Variants in KLHDC8B observed in about 807,000 individuals in gnomAD.
KLHDC8B encodes the protein kelch domain containing 8B.
Under a neutral mutation model 26.3 loss-of-function variants are expected in KLHDC8B, and 19 were observed. The ratio of observed to expected loss-of-function variants is 0.72; its 90% CI spans 0.50 to 1.06. KLHDC8B has a LOEUF of 1.06. Among genes scored for constraint, KLHDC8B ranks in the 50% least tolerant of loss-of-function variants. The probability of loss-of-function intolerance (pLI) is 0.00; values close to 1 mark genes in which losing one functional copy is unlikely to be tolerated. For missense variants in KLHDC8B, 411 were observed against 488.1 expected, an observed-to-expected ratio of 0.84 and a Z score of 1.49; for synonymous variants, 150 against 188.4, an observed-to-expected ratio of 0.80 and a Z score of 1.67.
intron 2 of KLHDC8B, among the ~76,000 whole-genome samples, chr3:49,174,031 C>T (rs1306478344): frequency 6.6e-6 from 1 of 152,102 alleles, no homozygotes; most frequent in Non-Finnish European, 1.5e-5. Flanking sequence ...CGGCTGCCTC[C>T]TGCTCTTTAC....
chr3:49,174,097 C>T (rs1046764511), intron 2 of KLHDC8B, 142 bp from the exon 3 acceptor site: 1 of 545,366 alleles, frequency 1.8e-6, no homozygotes, highest in Non-Finnish European at 3.2e-6. Flanking sequence ...CCACTGCAGG[C>T]AGGTAGTAGA....
chr3:49,174,656 T>C, intron 3 of KLHDC8B, 86 bp from the exon 4 acceptor site: 2 of 1,497,808 alleles, frequency 1.3e-6, no homozygotes, highest in Non-Finnish European at 1.8e-6. Context: ...TGTGGGAGGC[T>C]GAGGCAGGCA....
rs775044801 is a variant in KLHDC8B at position 49,172,933 on chromosome 3, C to G, written c.164C>G (p.Ala55Gly). The stretch of plus-strand genomic sequence containing the variant: ...GACACTGCTGAGACACTGGACATGG[C>G]CTCGCACACATGGCTGGCACTGGCA... Reference protein sequence around the residue: ...PLDTAETLDMASHTWLALAPL... With the variant: ...PLDTAETLDMGSHTWLALAPL... Residue 55 changes from alanine (A) to glycine (G), a missense_variant, in exon 2 of 6, where the codon GCC becomes GGC. By Grantham distance (60) the Ala-to-Gly change is moderately conservative. Transcript: ENST00000332780. 1 of 1,613,958 alleles carries G rather than the reference C, an allele frequency of 6.2e-7. No individual in the cohort carries two copies. Among genetic ancestry groups the G allele is most frequent in the Admixed American group, 1.7e-5 (1 of 59,990 alleles).
rs753642301 is a variant in KLHDC8B at position 49,175,893 on chromosome 3, T to A, written c.*92T>A. ...TGCTGCTGAGGACACTCACTGTGGC[T>A]CTGTGGGATGAGAGAGGCATGGGGG... is the stretch of plus-strand genomic sequence containing the variant. On this transcript the variant is annotated 3_prime_UTR_variant, in exon 6 of 6. Transcript: ENST00000332780. 1.5e-6 allele frequency: 2 copies of A among 1,301,664 alleles called. No individual in the cohort carries two copies. Among genetic ancestry groups the A allele is most frequent in the Admixed American group, 3.7e-5 (2 of 53,514 alleles). The allele number at this position is 1,301,664 out of a possible 1,614,324, so 80.6% of individuals were successfully genotyped here.
chr3:49,174,986 G>A lies in KLHDC8B; in HGVS notation c.766+20G>A. 2.5e-6 allele frequency: 4 copies of A among 1,613,924 alleles called. No individual in the cohort carries two copies. Among genetic ancestry groups the A allele is most frequent in the Non-Finnish European group, 3.4e-6 (4 of 1,180,024 alleles). On this transcript the variant is annotated intron_variant, in intron 4 of 5. Transcript: ENST00000332780. ...AGCATGGTGAGCAGTGGCTGTTCTG[G>A]GCTGTCCTCCCGCTCTCTGTGGGAT...
At position 49,172,977 on chromosome 3, in the gene KLHDC8B, G is replaced by A; in HGVS notation, c.208G>A (p.Ala70Thr). 1 of 1,613,988 alleles carries A rather than the reference G, an allele frequency of 6.2e-7. No individual in the cohort carries two copies. Among genetic ancestry groups the A allele is most frequent in the Non-Finnish European group, 8.5e-7 (1 of 1,180,008 alleles). ...ACTGGCACCCCTGCCCACTGCCCGG[G>A]CTGGTGCAGCTGCGGTAGTTCTGGG... is the stretch of plus-strand genomic sequence containing the variant. Reference protein sequence around the residue: ...LALAPLPTARAGAAAVVLGKQ... With the variant: ...LALAPLPTARTGAAAVVLGKQ... Residue 70 changes from alanine (A) to threonine (T), a missense_variant, in exon 2 of 6, where the codon GCT (alanine) becomes ACT (threonine). Coordinates refer to ENST00000332780, the MANE Select transcript of KLHDC8B (RefSeq NM_173546.3).
chr3:49,172,542 T>G, intron 1 of KLHDC8B, 94 bp from the exon 2 acceptor site: 6 of 554,810 alleles, frequency 1.1e-5, no homozygotes, highest in Non-Finnish European at 9.6e-6. Flanking sequence ...CCACCAGTGA[T>G]TTTGGGCCAG....
At position 49,175,860 on chromosome 3, in the gene KLHDC8B, G is replaced by A. The variant is rs1182582226; in HGVS notation, c.*59G>A. 3.3e-6 allele frequency: 5 copies of A among 1,531,230 alleles called. No individual in the cohort carries two copies. The highest frequency in any genetic ancestry group is 3.6e-6 in the Non-Finnish European group (4 of 1,109,382). The allele number at this position is 1,531,230 out of a possible 1,614,324, so 94.9% of individuals were successfully genotyped here. ...ATTGCCAGAGGCAGCTATTTCTATGGCTCCTTTTGCTGCTGAGGACACTCA... is the reference window on the plus strand; with the variant it reads ...ATTGCCAGAGGCAGCTATTTCTATGACTCCTTTTGCTGCTGAGGACACTCA... On this transcript the variant is annotated 3_prime_UTR_variant, in exon 6 of 6. Coordinates refer to ENST00000332780, the MANE Select transcript of KLHDC8B (RefSeq NM_173546.3).
At position 49,174,099 on chromosome 3, in the gene KLHDC8B, G is replaced by A. The variant is rs148556290; in HGVS notation, c.377-140G>A. 3,726 of 559,118 alleles carry A rather than the reference G, an allele frequency of 6.7e-3. 26 individuals are homozygous for A. The highest frequency in any genetic ancestry group is 9.0e-3 in the Non-Finnish European group (2,884 of 319,818). The allele number at this position is 559,118 out of a possible 1,614,324, so 34.6% of individuals were successfully genotyped here. A position where few individuals can be genotyped will look rare whatever the true frequency, so the allele number is the denominator to read the frequency against. ...GATCTCCCAGCCCCCACTGCAGGCA[G>A]GTAGTAGAGTGTCTGTTGCTGGGGA... On this transcript the variant is annotated intron_variant, in intron 2 of 5. Coordinates refer to ENST00000332780, the MANE Select transcript of KLHDC8B (RefSeq NM_173546.3).
intron 3 of KLHDC8B, 136 bp from the exon 4 acceptor site, chr3:49,174,606 T>C (rs771268527): frequency 7.8e-7 from 1 of 1,290,292 alleles, no homozygotes; most frequent in Non-Finnish European, 1.1e-6. Flanking sequence ...TGAGGGACTG[T>C]AGGGTGGATG....
Position 49,175,918 on chromosome 3 carries a change from G to C in KLHDC8B, c.*117G>C. On this transcript the variant is annotated 3_prime_UTR_variant, in exon 6 of 6. Transcript: ENST00000332780. ...TCTGTGGGATGAGAGAGGCATGGGG[G>C]TGAGCACTTGAAACACTGCCTTGGG... is the stretch of plus-strand genomic sequence containing the variant. 1 of 1,011,026 alleles carries C rather than the reference G, an allele frequency of 9.9e-7. No individual in the cohort carries two copies. The highest frequency in any genetic ancestry group is 2.5e-5 in the East Asian group (1 of 39,416). 62.6% of individuals were successfully genotyped at this position (1,011,026 alleles called of 1,614,324 possible). A position where few individuals can be genotyped will look rare whatever the true frequency, so the allele number is the denominator to read the frequency against.
intron 5 of KLHDC8B, 40 bp from the exon 6 acceptor site, chr3:49,175,565 C>T (rs373751282): frequency 1.3e-5 from 19 of 1,471,128 alleles, no homozygotes; most frequent in South Asian, 9.3e-5. Context: ...GGAGTCCCTA[C>T]GGCCTGTGCC....
rs990378406 is a variant in KLHDC8B, at chr3:49,173,127, G to A, written c.358G>A (p.Val120Ile). The A allele has an allele frequency of 1.0e-5, 16 of 1,572,538 alleles. No individual in the cohort carries two copies. Among genetic ancestry groups the A allele is most frequent in the Non-Finnish European group, 1.4e-5 (16 of 1,159,140 alleles). ...CACCCTCCCTCAAGCAGCCATGGGGGTTGCAACTGTGGAGAGAGGTGAGTG... is the reference window on the plus strand; with the variant it reads ...CACCCTCCCTCAAGCAGCCATGGGGATTGCAACTGTGGAGAGAGGTGAGTG... The part of the protein sequence containing the change: ...RATLPQAAMG[V>I]ATVERDGMVY... The change falls in exon 2 of 6, where the codon GTT (valine) becomes ATT (isoleucine). Residue 120 changes from valine to isoleucine, a missense_variant. Transcript: ENST00000332780.
Position 49,174,931 on chromosome 3 carries a change from T to G in KLHDC8B, c.731T>G (p.Phe244Cys), listed in dbSNP as rs200076809. The stretch of plus-strand genomic sequence containing the variant: ...CACAACTTCTACTCTCGCCCACACT[T>G]TGTCAACACTGTGGAGATGTTTGAC... ...GPHNFYSRPH[F>C]VNTVEMFDLE... The change falls in exon 4 of 6, where the codon TTT becomes TGT. Residue 244 changes from phenylalanine to cysteine, a missense_variant. Transcript: ENST00000332780. 1.2e-6 allele frequency: 2 copies of G among 1,614,148 alleles called. No homozygotes were observed. Among genetic ancestry groups the G allele is most frequent in the East Asian group, 4.5e-5 (2 of 44,884 alleles).
rs1293414718 is a variant in KLHDC8B at position 49,175,704 on chromosome 3, C to G, written c.968C>G (p.Ser323Cys). The G allele has an allele frequency of 2.5e-6, 4 of 1,613,784 alleles. No homozygotes were observed. Among genetic ancestry groups the G allele is most frequent in the African/African-American group, 1.3e-5 (1 of 74,922 alleles). The change falls in exon 6 of 6, where the codon TCT becomes TGT. Residue 323 changes from serine (S) to cysteine (C), a missense_variant. Ser to Cys is a moderately radical substitution (Grantham distance 112). Transcript: ENST00000332780. ...ATGCCCACTGCCCGCTGCTCCTGCT[C>G]TAGTCTGCAGGCTGGGCCCCGGCTG... ...PAMPTARCSC[S>C]SLQAGPRLFV...
At chr3:49,171,971 C>A (rs548687415) in intron 1 of KLHDC8B, among the ~76,000 whole-genome samples, 1 of 152,168 alleles carries the variant, frequency 6.6e-6, no homozygotes, top group Non-Finnish European at 1.5e-5. Context: ...AACGGCCCCC[C>A]GCCCCAACCC....
intron 4 of KLHDC8B, 25 bp downstream of exon 4, chr3:49,174,991 T>C: frequency 6.2e-7 from 1 of 1,613,952 alleles, no homozygotes; most frequent in Non-Finnish European, 8.5e-7. Context: ...TTCTGGGCTG[T>C]CCTCCCGCTC....
intron 5 of KLHDC8B, 77 bp from the exon 6 acceptor site, chr3:49,175,528 C>A: frequency 2.7e-6 from 3 of 1,115,724 alleles, no homozygotes; most frequent in South Asian, 3.0e-5. Context: ...CTGGGCTATT[C>A]TCTGGGCTTA....
In KLHDC8B at chr3:49,175,695, G is replaced by A. The variant is rs1294987188; in HGVS notation, c.959G>A (p.Cys320Tyr). ...TTGCCTGCCATGCCCACTGCCCGCTGCTCCTGCTCTAGTCTGCAGGCTGGG... is the reference window on the plus strand; with the variant it reads ...TTGCCTGCCATGCCCACTGCCCGCTACTCCTGCTCTAGTCTGCAGGCTGGG... ...EALPAMPTAR[C>Y]SCSSLQAGPR... Residue 320 changes from cysteine to tyrosine, a missense_variant, in exon 6 of 6, where the codon TGC (cysteine) becomes TAC (tyrosine). Physicochemically the swap from Cys to Tyr is radical, Grantham distance 194. Transcript: ENST00000332780. The A allele has an allele frequency of 6.2e-7, 1 of 1,613,668 alleles. No individual in the cohort carries two copies. Among genetic ancestry groups the A allele is most frequent in the Admixed American group, 1.7e-5 (1 of 59,978 alleles).
Sources: gnomAD v4.1 joint callset for allele counts (sites outside exome capture counted in the v4.1 genomes callset) on GRCh38, gnomAD v4.1.1 for gene constraint, MANE v1.5 for transcripts, NCBI Gene and HGNC (gene_info 2026-07-23, HGNC 2026-07-21) for gene names.